ESRRB: variants seen among roughly 807,000 people sequenced by gnomAD.
ESRRB encodes estrogen related receptor beta, also known as steroid hormone receptor ERR2.
In ESRRB, 16 loss-of-function variants were observed where a neutral mutation model predicts 46.0. That is an observed-to-expected ratio of 0.35 (90% CI 0.24 to 0.53). The LOEUF (loss-of-function observed/expected upper bound fraction) is 0.53. ESRRB is among the 20% of genes least tolerant of loss of function. The pLI is 0.93. For synonymous variants in ESRRB, 246 were observed against 259.6 expected (o/e 0.95, Z 0.50); for missense variants, 488 against 607.4 (o/e 0.80, Z 2.07).
chr14:76,359,752 G>C (rs564073056), intron 1 of ESRRB, among the ~76,000 whole-genome samples: 1 of 152,136 alleles, frequency 6.6e-6, no homozygotes. Flanking sequence ...GGAAGGGTTC[G>C]TGCAGGAGGC....
At chr14:76,411,342 G>A (rs1886431631) in intron 1 of ESRRB, among the ~76,000 whole-genome samples, 2 of 152,042 alleles carry the variant, frequency 1.3e-5, no homozygotes, top group Admixed American at 6.5e-5. Flanking sequence ...CAGCTACTCG[G>A]GAGGCCGAGG....
intron 1 of ESRRB, among the ~76,000 whole-genome samples, chr14:76,421,861 C>T (rs895222600): frequency 3.6e-4 from 55 of 152,262 alleles, no homozygotes; most frequent in Non-Finnish European, 3.1e-4. Flanking sequence ...TGTGGTTGGG[C>T]GCTGGTAGGG....
intron 1 of ESRRB, among the ~76,000 whole-genome samples, chr14:76,312,128 A>G (rs1883745516): frequency 6.6e-6 from 1 of 152,030 alleles, no homozygotes; most frequent in Non-Finnish European, 1.5e-5. Flanking sequence ...TGGGAGAACA[A>G]TATCCTACAA....
At chr14:76,373,376 T>C (rs1884669390), upstream of ESRRB, among the ~76,000 whole-genome samples, 1 of 152,160 alleles carries the variant, frequency 6.6e-6, no homozygotes, top group Non-Finnish European at 1.5e-5. Context: ...GGAGAAGAGA[T>C]GACTTTGGCA....
intron 5 of ESRRB, among the ~76,000 whole-genome samples, chr14:76,490,789 T>G (rs2361291): frequency 0.88 from 133,892 of 152,178 alleles, 58,977 homozygotes; most frequent in Admixed American, 0.91. Context: ...AGCAGAGAGT[T>G]ATGGCCCGGG....
intron 2 of ESRRB, among the ~76,000 whole-genome samples, chr14:76,449,971 A>G (rs1278494400): frequency 1.3e-5 from 2 of 152,062 alleles, no homozygotes; most frequent in Admixed American, 6.5e-5. Context: ...TGTTGCCTAC[A>G]CTGGTCTTGA....
At chr14:76,496,470 C>T (rs1890435002) in intron 6 of ESRRB, among the ~76,000 whole-genome samples, 1 of 93,914 alleles carries the variant, frequency 1.1e-5, no homozygotes, top group African/African-American at 3.6e-5. Flanking sequence ...AAAGAACAGG[C>T]CAGTTTCAGG....
At chr14:76,491,816 A>C in intron 6 of ESRRB, 100 bp downstream of exon 6, 1 of 1,343,258 alleles carries the variant, frequency 7.4e-7, no homozygotes, top group South Asian at 1.5e-5. Flanking sequence ...GCTGCCATGG[A>C]TAGAGATGAA....
Position 76,498,866 on chromosome 14 carries a change from T to G in ESRRB, c.*408T>G. ...CCCCATCTGTGGCCTGGGTGGGCAC[T>G]GCTCAGGCTGGATACCACCTGGAGG... On this transcript the variant is annotated 3_prime_UTR_variant, in exon 7 of 7. Coordinates refer to ENST00000644823, the MANE Select transcript of ESRRB (RefSeq NM_001379180.1). The G allele has an allele frequency of 3.7e-6, 2 of 541,266 alleles. No homozygotes were observed. The highest frequency in any genetic ancestry group is 2.8e-5 in the South Asian group (2 of 71,556). 33.5% of individuals were successfully genotyped at this position (541,266 alleles called of 1,614,324 possible).
chr14:76,334,003 T>C (rs1437917219), intron 1 of ESRRB, among the ~76,000 whole-genome samples: 1 of 152,138 alleles, frequency 6.6e-6, no homozygotes, highest in Non-Finnish European at 1.5e-5. Flanking sequence ...GGGGCAGGAA[T>C]AGAAGCCCTA....
intron 1 of ESRRB, among the ~76,000 whole-genome samples, chr14:76,398,230 A>G (rs944260959): frequency 2.0e-5 from 3 of 152,310 alleles, no homozygotes; most frequent in East Asian, 3.9e-4. Flanking sequence ...AGGCACTTGC[A>G]TTTTCCTCAT....
At chr14:76,332,016 C>T (rs1014258834) in intron 1 of ESRRB, among the ~76,000 whole-genome samples, 1 of 152,006 alleles carries the variant, frequency 6.6e-6, no homozygotes, top group African/African-American at 2.4e-5. Flanking sequence ...TTTCTGTCCC[C>T]TCCCCAACCC....
intron 5 of ESRRB, among the ~76,000 whole-genome samples, chr14:76,486,827 C>G (rs551217835): frequency 6.6e-6 from 1 of 152,174 alleles, no homozygotes; most frequent in Non-Finnish European, 1.5e-5. Context: ...CAGACCCTCC[C>G]GGTAGCCTCT....
chr14:76,311,731 C>T (rs994701474), intron 1 of ESRRB, among the ~76,000 whole-genome samples: 1 of 152,182 alleles, frequency 6.6e-6, no homozygotes, highest in Non-Finnish European at 1.5e-5. Flanking sequence ...TATCGTGAGG[C>T]TTGTCAAAGC....
At chr14:76,441,750 C>T (rs1197488877) in intron 2 of ESRRB, among the ~76,000 whole-genome samples, 4 of 152,236 alleles carry the variant, frequency 2.6e-5, no homozygotes, top group Non-Finnish European at 4.4e-5. Context: ...AAAATCTCTA[C>T]TCATGCAGGT....
At chr14:76,368,449 C>T (rs1006150156), upstream of ESRRB, among the ~76,000 whole-genome samples, 11 of 152,264 alleles carry the variant, frequency 7.2e-5, no homozygotes, top group South Asian at 1.0e-3. Context: ...AATGTGCTAT[C>T]GGTTCTGACC....
chr14:76,487,265 T>TGA (rs1164220817), intron 5 of ESRRB, among the ~76,000 whole-genome samples: 1 of 152,148 alleles, frequency 6.6e-6, no homozygotes, highest in Non-Finnish European at 1.5e-5. Flanking sequence ...CCCCATGAGG[T>TGA]GAGTGCTGTT....
intron 2 of ESRRB, among the ~76,000 whole-genome samples, chr14:76,449,611 A>C (rs1888296226): frequency 6.6e-6 from 1 of 152,078 alleles, no homozygotes; most frequent in Non-Finnish European, 1.5e-5. Context: ...TCACTCAGGC[A>C]AGGAGCATTG....
At chr14:76,452,795 C>G (rs912145608) in intron 2 of ESRRB, among the ~76,000 whole-genome samples, 1 of 152,160 alleles carries the variant, frequency 6.6e-6, no homozygotes, top group Admixed American at 6.5e-5. Context: ...CCAGAAGGAA[C>G]AATTTCGTCA....
Sources: gnomAD v4.1 joint callset for allele counts (sites outside exome capture counted in the v4.1 genomes callset) on GRCh38, gnomAD v4.1.1 for gene constraint, MANE v1.5 for transcripts, NCBI Gene and HGNC (gene_info 2026-07-23, HGNC 2026-07-21) for gene names.